The following PEBP4 variants were observed in gnomAD, a reference collection of about 807,000 sequenced individuals.
PEBP4 encodes phosphatidylethanolamine binding protein 4, also known as phosphatidylethanolamine-binding protein 4.
In PEBP4, 22 loss-of-function variants were observed where a neutral mutation model predicts 23.9. The observed-to-expected ratio is 0.92, with a 90% CI of 0.66 to 1.31. The LOEUF (loss-of-function observed/expected upper bound fraction) is 1.31, where lower values mean the gene tolerates loss of function less well. Among genes scored for constraint, PEBP4 ranks in the 40% most tolerant of loss-of-function variants. The pLI is 0.00. For synonymous variants in PEBP4, 112 were observed against 99.3 expected, an observed-to-expected ratio of 1.13 and a Z score of -0.76; for missense variants, 324 against 281.7, an observed-to-expected ratio of 1.15 and a Z score of -1.07.
At chr8:22,801,002 C>G (rs911099662) in intron 4 of PEBP4, among the ~76,000 whole-genome samples, 1 of 152,092 alleles carries the variant, frequency 6.6e-6, no homozygotes, top group Admixed American at 6.5e-5. Flanking sequence ...CCACTCCACA[C>G]CCTCCCTGCC....
At chr8:22,935,973 A>G (rs1809532717) in intron 1 of PEBP4, among the ~76,000 whole-genome samples, 1 of 151,398 alleles carries the variant, frequency 6.6e-6, no homozygotes, top group South Asian at 2.1e-4. Context: ...AAAAAGAAGG[A>G]GGATCTCAAA....
chr8:22,803,990 T>C (rs1267433567), intron 4 of PEBP4, among the ~76,000 whole-genome samples: 1 of 152,198 alleles, frequency 6.6e-6, no homozygotes, highest in Admixed American at 6.5e-5. Flanking sequence ...CTCTTACAGC[T>C]GTCTTGGGCC....
At chr8:22,898,663 G>T (rs1163652545) in intron 3 of PEBP4, among the ~76,000 whole-genome samples, 2 of 152,228 alleles carry the variant, frequency 1.3e-5, no homozygotes, top group African/African-American at 2.4e-5. Context: ...GCTAGAGGTG[G>T]CCCCTTGGCT....
intron 3 of PEBP4, among the ~76,000 whole-genome samples, chr8:22,914,409 C>A (rs939429935): frequency 6.6e-6 from 1 of 152,220 alleles, no homozygotes; most frequent in Non-Finnish European, 1.5e-5. Flanking sequence ...TGAACACATA[C>A]TGTGCCCAGC....
chr8:22,774,389 G>T (rs1186926808), intron 4 of PEBP4, among the ~76,000 whole-genome samples: 2 of 152,228 alleles, frequency 1.3e-5, no homozygotes, highest in East Asian at 3.8e-4. Context: ...CCAAAGAAAT[G>T]AGTCACTAAT....
chr8:22,743,124 A>T (rs894158232), intron 4 of PEBP4, among the ~76,000 whole-genome samples: 6 of 152,134 alleles, frequency 3.9e-5, no homozygotes, highest in African/African-American at 1.4e-4. Context: ...TCCTGTCCCC[A>T]AGAAGCCCCA....
chr8:22,934,223 G>A (rs1242015338), intron 1 of PEBP4, among the ~76,000 whole-genome samples: 1 of 152,084 alleles, frequency 6.6e-6, no homozygotes, highest in Non-Finnish European at 1.5e-5. Context: ...TTATAGCACA[G>A]GATTTAAAGA....
At chr8:22,795,689 G>C (rs1052349091) in intron 4 of PEBP4, among the ~76,000 whole-genome samples, 24 of 152,124 alleles carry the variant, frequency 1.6e-4, no homozygotes, top group African/African-American at 5.8e-4. Flanking sequence ...AAATTAATTT[G>C]GGGAATGTTG....
At chr8:22,923,231 G>A (rs1262938097) in intron 2 of PEBP4, among the ~76,000 whole-genome samples, 2 of 152,144 alleles carry the variant, frequency 1.3e-5, no homozygotes, top group African/African-American at 2.4e-5. Flanking sequence ...CCAGGCTTCA[G>A]TTTGAGCTAG....
At chr8:22,841,634 G>A in intron 3 of PEBP4, among the ~76,000 whole-genome samples, 1 of 152,222 alleles carries the variant, frequency 6.6e-6, no homozygotes, top group East Asian at 1.9e-4. Flanking sequence ...AATGCCACCT[G>A]GTGCAGATAA....
intron 3 of PEBP4, among the ~76,000 whole-genome samples, chr8:22,896,624 T>A (rs926257354): frequency 8.5e-5 from 13 of 152,312 alleles, no homozygotes; most frequent in African/African-American, 3.1e-4. Flanking sequence ...GGCCTCTTTA[T>A]TACTGTTCAA....
chr8:22,833,542 G>C (rs1239991378), intron 3 of PEBP4, among the ~76,000 whole-genome samples: 6 of 152,176 alleles, frequency 3.9e-5, no homozygotes, highest in African/African-American at 1.4e-4. Flanking sequence ...ATGTTGGCCA[G>C]GCTAGCCTCG....
chr8:22,836,070 G>A (rs1807199449), intron 3 of PEBP4, among the ~76,000 whole-genome samples: 1 of 152,256 alleles, frequency 6.6e-6, no homozygotes. Context: ...CTAAGGCAGT[G>A]AACTTCAGAT....
intron 4 of PEBP4, among the ~76,000 whole-genome samples, chr8:22,750,316 G>C (rs963821200): frequency 1.3e-5 from 2 of 150,422 alleles, no homozygotes; most frequent in African/African-American, 4.9e-5. Flanking sequence ...TGGTCAGGCT[G>C]GTCTCAAACC....
intron 4 of PEBP4, among the ~76,000 whole-genome samples, chr8:22,807,851 C>G (rs1806531861): frequency 6.7e-6 from 1 of 149,412 alleles, no homozygotes; most frequent in African/African-American, 2.5e-5. Context: ...CATCCATCCA[C>G]CCACCCACCT....
intron 4 of PEBP4, among the ~76,000 whole-genome samples, chr8:22,753,234 C>T (rs1351279476): frequency 6.6e-6 from 1 of 152,204 alleles, no homozygotes; most frequent in African/African-American, 2.4e-5. Flanking sequence ...CAGCTGCCTG[C>T]ACCATCCCTA....
At position 22,927,494 on chromosome 8, in the gene PEBP4, G is replaced by T. The variant is rs11997678; in HGVS notation, c.131+90C>A. ...TCCCATAAAATCAGGCTCAGGAGAT[G>T]GTGCTTCTTGGTTCTGGATATACCC... On this transcript the variant is annotated intron_variant, in intron 2 of 6. Coordinates refer to ENST00000256404, the MANE Select transcript of PEBP4 (RefSeq NM_144962.3). 6.0e-5 allele frequency: 86 copies of T among 1,435,802 alleles called. No individual in the cohort carries two copies. The African/African-American group carries it at 1.1e-3, about 19-fold the overall frequency. 88.9% of individuals were successfully genotyped at this position (1,435,802 alleles called of 1,614,324 possible).
chr8:22,883,072 G>A (rs1227124247), intron 3 of PEBP4, among the ~76,000 whole-genome samples: 2 of 152,210 alleles, frequency 1.3e-5, no homozygotes, highest in East Asian at 3.9e-4. Flanking sequence ...CCTCCTTCAT[G>A]AGAGCCATTT....
At chr8:22,724,684 A>C (rs535542063) in intron 6 of PEBP4, among the ~76,000 whole-genome samples, 159 bp downstream of exon 6, 117 of 152,092 alleles carry the variant, frequency 7.7e-4, no homozygotes, top group African/African-American at 2.6e-3. Flanking sequence ...TCTTTAGGGC[A>C]CTCCTTCCAG....
Sources: allele counts gnomAD v4.1 joint callset (sites outside exome capture counted in the v4.1 genomes callset), GRCh38; gene constraint gnomAD v4.1.1; transcripts MANE v1.5; gene names NCBI Gene and HGNC (gene_info 2026-07-23, HGNC 2026-07-21).